Variants in TMEFF1 observed in about 807,000 individuals in gnomAD.
The protein encoded by TMEFF1 is tomoregulin-1.
Under a neutral mutation model 47.5 loss-of-function variants are expected in TMEFF1, and 20 were observed. The ratio of observed to expected loss-of-function variants is 0.42; its 90% CI spans 0.30 to 0.61. The LOEUF (loss-of-function observed/expected upper bound fraction) is 0.61. TMEFF1 is among the 20% of genes least tolerant of loss of function. The pLI is 0.19. For synonymous variants in TMEFF1, 162 were observed against 166.3 expected (o/e 0.97, Z 0.20); for missense variants, 411 against 471.1 (o/e 0.87, Z 1.18).
chr9:100,513,456 T>G, intron 4 of TMEFF1, 123 bp downstream of exon 4: 1 of 1,247,470 alleles, frequency 8.0e-7, no homozygotes, highest in Non-Finnish European at 1.1e-6. Flanking sequence ...ATTTGCCACT[T>G]GAAGTGTACA....
At chr9:100,502,318 T>C (rs1837776780) in intron 2 of TMEFF1, among the ~76,000 whole-genome samples, 1 of 152,186 alleles carries the variant, frequency 6.6e-6, no homozygotes, top group South Asian at 2.1e-4. Context: ...TTTGTTTATA[T>C]TTTAGACACA....
At chr9:100,524,290 A>G (rs554343701) in intron 5 of TMEFF1, among the ~76,000 whole-genome samples, 2 of 152,362 alleles carry the variant, frequency 1.3e-5, no homozygotes, top group East Asian at 3.9e-4. Flanking sequence ...AAAACTACCT[A>G]TGTACCTAAC....
intron 5 of TMEFF1, among the ~76,000 whole-genome samples, chr9:100,521,795 C>T (rs940721086): frequency 6.6e-6 from 1 of 152,204 alleles, no homozygotes; most frequent in African/African-American, 2.4e-5. Context: ...TGAACTTTGT[C>T]TGCAATGCAC....
At chr9:100,486,636 G>A (rs1316110096) in intron 1 of TMEFF1, among the ~76,000 whole-genome samples, 2 of 152,112 alleles carry the variant, frequency 1.3e-5, no homozygotes, top group African/African-American at 2.4e-5. Flanking sequence ...CTTCTGGGAT[G>A]TTTTATTTTT....
chr9:100,523,235 A>G (rs1272383746), intron 5 of TMEFF1, among the ~76,000 whole-genome samples: 2 of 152,078 alleles, frequency 1.3e-5, no homozygotes, highest in Admixed American at 6.5e-5. Context: ...TTTAACTCCT[A>G]TTCCTCCTTC....
chr9:100,555,335 T>A (rs1838897764), intron 7 of TMEFF1, among the ~76,000 whole-genome samples: 1 of 152,236 alleles, frequency 6.6e-6, no homozygotes, highest in Non-Finnish European at 1.5e-5. Flanking sequence ...TCTCTGCTGT[T>A]GTTTCCGAAA....
chr9:100,494,052 C>T (rs1837606714), intron 1 of TMEFF1, among the ~76,000 whole-genome samples: 1 of 151,852 alleles, frequency 6.6e-6, no homozygotes, highest in Admixed American at 6.6e-5. Context: ...CATGGTGGTC[C>T]ACACCTGTGT....
At chr9:100,527,318 A>C (rs1382627914) in intron 5 of TMEFF1, among the ~76,000 whole-genome samples, 1 of 152,190 alleles carries the variant, frequency 6.6e-6, no homozygotes, top group Non-Finnish European at 1.5e-5. Context: ...CTGCATTTCC[A>C]TCTGAGGTAC....
intron 1 of TMEFF1, among the ~76,000 whole-genome samples, chr9:100,481,588 A>G (rs558315014): frequency 4.4e-4 from 67 of 152,334 alleles, no homozygotes; most frequent in African/African-American, 1.5e-3. Flanking sequence ...TTTGGTTCAA[A>G]GACATCAAGA....
At position 100,473,219 on chromosome 9, in the gene TMEFF1, T is replaced by C. The variant is rs1305221563; in HGVS notation, c.-326T>C. On this transcript the variant is annotated 5_prime_UTR_variant, in exon 1 of 10. Transcript: ENST00000374879. This position sits in a 1 kb window ranked among gnomAD's most constrained non-coding sequence, Gnocchi z 5.4. ...GAGGAGGCGAGCAAGAGGCTGGGCC[T>C]GCCTCCGGCCCGCGACCCCCGCCCG... 1 of 149,882 alleles carries C rather than the reference T, an allele frequency of 6.7e-6. No homozygotes were observed. The highest frequency in any genetic ancestry group is 1.5e-5 in the Non-Finnish European group (1 of 66,898). The allele number at this position is 149,882 out of a possible 1,614,324, so 9.3% of individuals were successfully genotyped here. A position where few individuals can be genotyped will look rare whatever the true frequency, so the allele number is the denominator to read the frequency against.
rs201138541 is a variant in TMEFF1, at chr9:100,488,713, G to A, written c.197-10052G>A. Reference sequence around the variant, plus strand: ...TCCCCATTTTGTAGATGAAGAAATGGAGGCATAGGTGGTAAATTACTAAGC... The same window carrying A: ...TCCCCATTTTGTAGATGAAGAAATGAAGGCATAGGTGGTAAATTACTAAGC... On this transcript the variant is annotated intron_variant, in intron 1 of 9. Coordinates refer to ENST00000374879, the MANE Select transcript of TMEFF1 (RefSeq NM_003692.5). 9.2e-5 allele frequency among the ~76,000 whole-genome samples: 14 copies of A among 152,258 alleles called. No individual in the cohort carries two copies. In the East Asian group the frequency reaches 2.7e-3, roughly 29 times the overall value.
chr9:100,524,888 C>T (rs1311833603), intron 5 of TMEFF1, among the ~76,000 whole-genome samples: 1 of 152,138 alleles, frequency 6.6e-6, no homozygotes, highest in Non-Finnish European at 1.5e-5. Flanking sequence ...CTATCCCTCC[C>T]CCAGACCCCC....
At chr9:100,480,532 A>G (rs1478629047) in intron 1 of TMEFF1, among the ~76,000 whole-genome samples, 1 of 152,174 alleles carries the variant, frequency 6.6e-6, no homozygotes, top group African/African-American at 2.4e-5. Flanking sequence ...ACTGAAACAG[A>G]GTGGAGAAAC....
chr9:100,561,617 A>G (rs1839017053), intron 8 of TMEFF1, 97 bp downstream of exon 8: 1 of 1,383,766 alleles, frequency 7.2e-7, no homozygotes, highest in African/African-American at 1.5e-5. Flanking sequence ...TATTACCAGA[A>G]AGTAGTGTTT....
intron 4 of TMEFF1, among the ~76,000 whole-genome samples, chr9:100,515,540 C>T (rs895085237): frequency 3.9e-5 from 6 of 152,096 alleles, no homozygotes; most frequent in Non-Finnish European, 7.4e-5. Context: ...GTAATCCCAG[C>T]GTTTTGGGAG....
At chr9:100,480,677 C>G (rs750639364) in intron 1 of TMEFF1, among the ~76,000 whole-genome samples, 23 of 152,050 alleles carry the variant, frequency 1.5e-4, no homozygotes, top group Non-Finnish European at 2.6e-4. Context: ...AAGTGGGGAA[C>G]TGTGTTTGGC....
At chr9:100,502,738 TA>T in intron 2 of TMEFF1, among the ~76,000 whole-genome samples, 1 of 152,312 alleles carries the variant, frequency 6.6e-6, no homozygotes, top group East Asian at 1.9e-4. Context: ...TTTGACGTTT[TA>T]AAAAATATAC....
chr9:100,507,992 G>C (rs986413502), intron 2 of TMEFF1, among the ~76,000 whole-genome samples: 3 of 152,088 alleles, frequency 2.0e-5, no homozygotes, highest in Non-Finnish European at 4.4e-5. Flanking sequence ...ACCAAAACTG[G>C]TGTAGTGGGA....
intron 2 of TMEFF1, among the ~76,000 whole-genome samples, chr9:100,504,953 T>C (rs1837828691): frequency 6.6e-6 from 1 of 152,060 alleles, no homozygotes; most frequent in Admixed American, 6.5e-5. Flanking sequence ...CATAAACACA[T>C]GATTAAAGAA....
Sources: gnomAD v4.1 joint callset for allele counts (sites outside exome capture counted in the v4.1 genomes callset) on GRCh38, gnomAD v4.1.1 for gene constraint, Gnocchi (gnomAD v3.1) non-coding constraint, MANE v1.5 for transcripts, NCBI Gene and HGNC (gene_info 2026-07-23, HGNC 2026-07-21) for gene names.